ENPP6: variants seen among roughly 807,000 people sequenced by gnomAD.
The protein encoded by ENPP6 is glycerophosphocholine cholinephosphodiesterase ENPP6.
ENPP6 carries 32 observed loss-of-function variants against 42.0 expected under a neutral mutation model. The observed-to-expected ratio is 0.76, with a 90% confidence interval of 0.58 to 1.02. The LOEUF (loss-of-function observed/expected upper bound fraction) is 1.02. Among genes scored for constraint, ENPP6 ranks in the 50% least tolerant of loss-of-function variants. ENPP6 has a pLI of 0.00. For synonymous variants in ENPP6, 213 were observed against 216.0 expected (o/e 0.99, Z 0.12); for missense variants, 552 against 566.8 (o/e 0.97, Z 0.27).
chr4:184,130,520 T>A (rs567305966), intron 2 of ENPP6, among the ~76,000 whole-genome samples: 1 of 75,658 alleles, frequency 1.3e-5, no homozygotes, highest in Admixed American at 1.1e-4. Context: ...ATCACACCAC[T>A]GCACTCCAGC....
chr4:184,147,155 C>G (rs987951932), intron 2 of ENPP6, among the ~76,000 whole-genome samples: 1 of 152,222 alleles, frequency 6.6e-6, no homozygotes, highest in African/African-American at 2.4e-5. Context: ...CTATGCAGTT[C>G]TGTGAGCAAG....
rs573664902 is a variant in ENPP6 at position 184,206,403 on chromosome 4, G to A, written c.241+11176C>T. The stretch of plus-strand genomic sequence containing the variant: ...CTCCCGAGTAGCTGGGACTACAGGC[G>A]GGCGCCACCAGGCCCGGCTAATTTT... On this transcript the variant is annotated intron_variant, in intron 1 of 7. Transcript: ENST00000296741. Among the ~76,000 whole-genome samples, 603 of 103,552 alleles carry A rather than the reference G, an allele frequency of 5.8e-3. 21 individuals carry two copies. The highest frequency in any genetic ancestry group is 0.018 in the Admixed American group (168 of 9,200). The allele number at this position is 103,552 out of a possible 152,430, so 67.9% of individuals were successfully genotyped here. A position where few individuals can be genotyped will look rare whatever the true frequency, so the allele number is the denominator to read the frequency against.
intron 6 of ENPP6, 145 bp from the exon 7 acceptor site, chr4:184,097,513 A>G: frequency 1.7e-6 from 2 of 1,200,216 alleles, no homozygotes; most frequent in South Asian, 1.5e-5. Context: ...CCGCTGCGGC[A>G]CTTCCTGCTC....
At chr4:184,101,237 G>A (rs144109491) in intron 6 of ENPP6, among the ~76,000 whole-genome samples, 89 of 152,070 alleles carry the variant, frequency 5.9e-4, no homozygotes, top group African/African-American at 1.9e-3. Flanking sequence ...GTGTGCGTGT[G>A]TATATGTGAG....
chr4:184,094,589 TA>T (rs1438782116), intron 7 of ENPP6, among the ~76,000 whole-genome samples: 1 of 152,250 alleles, frequency 6.6e-6, no homozygotes, highest in African/African-American at 2.4e-5. Flanking sequence ...CAGGCTCTAC[TA>T]GCTGAAGATG....
rs373101282 is a variant in ENPP6 at position 184,210,110 on chromosome 4, C to T, written c.241+7469G>A. ...AGCGCTAAACAGGGAAAGGAACAACCGGTACCACCCGCTGCAAAATCATGC... is the reference window on the plus strand; with the variant it reads ...AGCGCTAAACAGGGAAAGGAACAACTGGTACCACCCGCTGCAAAATCATGC... On this transcript the variant is annotated intron_variant, in intron 1 of 7. Coordinates refer to ENST00000296741, the MANE Select transcript of ENPP6 (RefSeq NM_153343.4). Among the ~76,000 whole-genome samples, 39 of 151,254 alleles carry T rather than the reference C, an allele frequency of 2.6e-4. No homozygotes were observed. The East Asian group carries it at 5.6e-3, about 22-fold the overall frequency.
At position 184,094,947 on chromosome 4, in the gene ENPP6, A is replaced by C. The variant is rs993078270; in HGVS notation, c.1117+2298T>G. 2.6e-5 allele frequency among the ~76,000 whole-genome samples: 4 copies of C among 152,270 alleles called. No individual in the cohort carries two copies. The South Asian group carries it at 6.2e-4, about 24-fold the overall frequency. On this transcript the variant is annotated intron_variant, in intron 7 of 7. Coordinates refer to ENST00000296741, the MANE Select transcript of ENPP6 (RefSeq NM_153343.4). The stretch of plus-strand genomic sequence containing the variant: ...CATCTGGGCAGCCGCAATGATGCCC[A>C]GCTTTCCCCCTAAGGGAGAAGCACA...
At chr4:184,208,688 T>C (rs934225303) in intron 1 of ENPP6, among the ~76,000 whole-genome samples, 3 of 148,468 alleles carry the variant, frequency 2.0e-5, no homozygotes, top group African/African-American at 5.1e-5. Context: ...TGCCCAGGCT[T>C]GCTTAGGTAA....
chr4:184,090,965 G>A lies in ENPP6; in HGVS notation c.*212C>T. ...TATAACTGCACAAATGGAAAGCTAG[G>A]ATTTTCCTACCTTCTGGAAAAACAA... is the stretch of plus-strand genomic sequence containing the variant. On this transcript the variant is annotated 3_prime_UTR_variant, in exon 8 of 8. Coordinates refer to ENST00000296741, the MANE Select transcript of ENPP6 (RefSeq NM_153343.4). 2.1e-6 allele frequency: 1 copy of A among 479,954 alleles called. No homozygotes were observed. The highest frequency in any genetic ancestry group is 3.5e-6 in the Non-Finnish European group (1 of 282,350). 29.7% of individuals were successfully genotyped at this position (479,954 alleles called of 1,614,324 possible). A position where few individuals can be genotyped will look rare whatever the true frequency, so the allele number is the denominator to read the frequency against.
intron 1 of ENPP6, among the ~76,000 whole-genome samples, chr4:184,200,570 C>T (rs1176360845): frequency 6.6e-6 from 1 of 152,232 alleles, no homozygotes; most frequent in Non-Finnish European, 1.5e-5. Context: ...TTTGTCTGGT[C>T]TTCTCACGCT....
At chr4:184,156,429 T>C (rs1479471822) in intron 1 of ENPP6, among the ~76,000 whole-genome samples, 1 of 152,182 alleles carries the variant, frequency 6.6e-6, no homozygotes, top group Non-Finnish European at 1.5e-5. Flanking sequence ...CAGAACACAA[T>C]GTACTGGCTT....
At chr4:184,188,463 C>T (rs565333352) in intron 1 of ENPP6, among the ~76,000 whole-genome samples, 44 of 152,236 alleles carry the variant, frequency 2.9e-4, no homozygotes, top group African/African-American at 1.0e-3. Context: ...GGGTCCCACG[C>T]TCTGCTTGAG....
At chr4:184,175,649 A>G (rs1372962272) in intron 1 of ENPP6, among the ~76,000 whole-genome samples, 1 of 152,210 alleles carries the variant, frequency 6.6e-6, no homozygotes. Flanking sequence ...TGGAAATACC[A>G]TCAACAACTG....
intron 1 of ENPP6, among the ~76,000 whole-genome samples, chr4:184,205,491 G>T (rs1579665405): frequency 6.6e-6 from 1 of 152,378 alleles, no homozygotes; most frequent in East Asian, 1.9e-4. Context: ...GCGAAGAGAA[G>T]GGTGGTGGGA....
chr4:184,121,019 G>A (rs1417790339), intron 3 of ENPP6, among the ~76,000 whole-genome samples: 1 of 152,180 alleles, frequency 6.6e-6, no homozygotes, highest in South Asian at 2.1e-4. Context: ...TGGCTTGTGA[G>A]GTCCAAGAAG....
At chr4:184,208,951 G>A (rs1489837283) in intron 1 of ENPP6, among the ~76,000 whole-genome samples, 2 of 142,182 alleles carry the variant, frequency 1.4e-5, no homozygotes, top group African/African-American at 5.4e-5. Context: ...CAGCCTAACT[G>A]GGAGGCACCC....
chr4:184,164,569 G>A (rs541152303), intron 1 of ENPP6, among the ~76,000 whole-genome samples: 1 of 152,230 alleles, frequency 6.6e-6, no homozygotes, highest in African/African-American at 2.4e-5. Flanking sequence ...CTGGGGCTAC[G>A]AGAAGCTAAA....
chr4:184,185,298 T>G (rs144376978), intron 1 of ENPP6, among the ~76,000 whole-genome samples: 69 of 152,282 alleles, frequency 4.5e-4, no homozygotes, highest in African/African-American at 1.3e-3. Context: ...CTGATTTGCA[T>G]AGGTTTTGAA....
chr4:184,118,581 G>T (rs951362923), intron 3 of ENPP6, among the ~76,000 whole-genome samples: 1 of 152,196 alleles, frequency 6.6e-6, no homozygotes, highest in East Asian at 1.9e-4. Context: ...GTGATTCAGG[G>T]ATTATACACA....
Sources: gnomAD v4.1 joint callset for allele counts (sites outside exome capture counted in the v4.1 genomes callset) on GRCh38, gnomAD v4.1.1 for gene constraint, MANE v1.5 for transcripts, NCBI Gene and HGNC (gene_info 2026-07-23, HGNC 2026-07-21) for gene names.